Variants in NPAS3 observed in about 807,000 individuals in gnomAD.
The protein encoded by NPAS3 is neuronal PAS domain protein 3, also known as neuronal PAS domain-containing protein 3.
Under a neutral mutation model 73.1 loss-of-function variants are expected in NPAS3, and 14 were observed. The ratio of observed to expected loss-of-function variants is 0.19; its 90% CI spans 0.13 to 0.30. The LOEUF is 0.30. Ranked by LOEUF, NPAS3 falls within the 10% of genes least tolerant of loss-of-function variation. The probability of loss-of-function intolerance (pLI) is 1.00; values close to 1 mark genes in which losing one functional copy is unlikely to be tolerated. For synonymous variants in NPAS3, 620 were observed against 541.5 expected (o/e 1.14, Z -2.01); for missense variants, 1,096 against 1,250.0 (o/e 0.88, Z 1.86).
chr14:33,638,917 T>G (rs2058600893), intron 5 of NPAS3, among the ~76,000 whole-genome samples: 1 of 152,336 alleles, frequency 6.6e-6, no homozygotes, highest in Non-Finnish European at 1.5e-5. Flanking sequence ...TTTTCACTTC[T>G]CCAATGACAC....
intron 5 of NPAS3, among the ~76,000 whole-genome samples, chr14:33,618,974 C>G (rs2058003265): frequency 1.3e-5 from 2 of 152,198 alleles, no homozygotes; most frequent in Non-Finnish European, 1.5e-5. Context: ...AATTGGTTCT[C>G]TAGTCTGCTG....
intron 2 of NPAS3, among the ~76,000 whole-genome samples, chr14:33,111,992 C>A (rs1344618554): frequency 1.3e-5 from 2 of 152,130 alleles, no homozygotes; most frequent in Non-Finnish European, 2.9e-5. Context: ...CTACAAAGGA[C>A]ATGGACTCAT....
At chr14:33,793,809 G>GTGGT in intron 9 of NPAS3, 88 bp from the exon 10 acceptor site, 1 of 1,321,810 alleles carries the variant, frequency 7.6e-7, no homozygotes, top group Non-Finnish European at 1.0e-6. Flanking sequence ...CCATTTTTAG[G>GTGGT]CTTAAGGTTT....
intron 2 of NPAS3, among the ~76,000 whole-genome samples, chr14:33,187,737 T>G (rs1439966334): frequency 6.6e-6 from 1 of 152,132 alleles, no homozygotes; most frequent in Non-Finnish European, 1.5e-5. Flanking sequence ...AAAATAATTT[T>G]AATTAGTATT....
intron 3 of NPAS3, among the ~76,000 whole-genome samples, chr14:33,264,421 T>C (rs939171812): frequency 1.3e-5 from 2 of 151,806 alleles, no homozygotes; most frequent in Non-Finnish European, 2.9e-5. Context: ...TAAAGTATAA[T>C]AATAAAAAAA....
At chr14:33,636,838 A>C (rs1338175302) in intron 5 of NPAS3, among the ~76,000 whole-genome samples, 1 of 152,004 alleles carries the variant, frequency 6.6e-6, no homozygotes, top group Non-Finnish European at 1.5e-5. Flanking sequence ...TTGTCAGGAA[A>C]TTTTTGGCAT....
intron 4 of NPAS3, among the ~76,000 whole-genome samples, chr14:33,446,815 A>T (rs2049530244): frequency 6.6e-6 from 1 of 152,216 alleles, no homozygotes; most frequent in Admixed American, 6.5e-5. Flanking sequence ...TTCATGTATG[A>T]TCTGACCAAT....
At chr14:33,560,152 A>G in exon 5 of NPAS3, 1 of 870,506 alleles carries the variant, frequency 1.1e-6, no homozygotes, top group Non-Finnish European at 2.0e-6. Flanking sequence ...GCACTAAATC[A>G]GGAAGGAAAA....
intron 7 of NPAS3, among the ~76,000 whole-genome samples, chr14:33,762,570 T>G (rs543370588): frequency 6.6e-6 from 1 of 151,956 alleles, no homozygotes; most frequent in South Asian, 2.1e-4. Context: ...TTGGGGGCTC[T>G]TTTTTTTAAG....
At chr14:33,665,945 C>CT (rs2059439443) in intron 5 of NPAS3, among the ~76,000 whole-genome samples, 1 of 152,056 alleles carries the variant, frequency 6.6e-6, no homozygotes, top group Non-Finnish European at 1.5e-5. Flanking sequence ...GGGTCCAGAG[C>CT]TTAAATGTGT....
At chr14:33,342,849 G>A (rs2140316257) in intron 3 of NPAS3, among the ~76,000 whole-genome samples, 1 of 152,036 alleles carries the variant, frequency 6.6e-6, no homozygotes, top group Non-Finnish European at 1.5e-5. Context: ...TTTACTGCCT[G>A]CCCACAGAGA....
In NPAS3 at chr14:33,563,537, C is replaced by CACACACACACAGAGAGAGAG; in HGVS notation, c.558+3328_558+3329insCACACACACAGAGAGAGAGA. On this transcript the variant is annotated intron_variant, in intron 5 of 11. Coordinates refer to ENST00000356141, the Ensembl canonical transcript of NPAS3. ...ATACATACACACACACACACACACA[C>CACACACACACAGAGAGAGAG]AGAGAGAGAGAGAGAGAGAGAGAGA... Among the ~76,000 whole-genome samples the CACACACACACAGAGAGAGAG allele has an allele frequency of 1.9e-3, 222 of 119,644 alleles. 1 individual carries two copies. Among genetic ancestry groups the CACACACACACAGAGAGAGAG allele is most frequent in the South Asian group, 0.012 (46 of 3,702 alleles). 78.5% of individuals were successfully genotyped at this position (119,644 alleles called of 152,430 possible).
At chr14:33,140,573 T>C (rs537775748) in intron 2 of NPAS3, among the ~76,000 whole-genome samples, 1 of 152,300 alleles carries the variant, frequency 6.6e-6, no homozygotes, top group East Asian at 1.9e-4. Context: ...AATGTATTTA[T>C]TAAATCATGC....
In NPAS3 at chr14:33,462,186, T is replaced by C. The variant is rs377082930; in HGVS notation, c.468+94918T>C. 7.2e-5 allele frequency among the ~76,000 whole-genome samples: 11 copies of C among 152,360 alleles called. No homozygotes were observed. The East Asian group carries it at 2.1e-3, about 29-fold the overall frequency. ...GAAACCTGGGCTCTCATTCCTCGCC[T>C]GTTTCCAGCTAGCTTATCTGGGCAA... On this transcript the variant is annotated intron_variant, in intron 4 of 11. Transcript: ENST00000356141.
At chr14:33,717,856 C>A (rs370935337) in intron 6 of NPAS3, among the ~76,000 whole-genome samples, 1 of 152,142 alleles carries the variant, frequency 6.6e-6, no homozygotes, top group African/African-American at 2.4e-5. Flanking sequence ...TGTAAATCAC[C>A]TGGCATTAAT....
chr14:33,079,325 C>CTTTTTTTTTTTTTTTTTTTT (rs772885846), intron 2 of NPAS3, among the ~76,000 whole-genome samples: 7 of 132,294 alleles, frequency 5.3e-5, no homozygotes, highest in African/African-American at 8.7e-5. Flanking sequence ...TTTCTTTTTC[C>CTTTTTTTTTTTTTTTTTTTT]TTTTTTTTTT....
At chr14:33,677,882 C>T (rs550153565) in intron 6 of NPAS3, among the ~76,000 whole-genome samples, 4 of 152,274 alleles carry the variant, frequency 2.6e-5, no homozygotes, top group East Asian at 1.9e-4. Flanking sequence ...GCTATGTCAG[C>T]GAGATAACTG....
chr14:33,578,100 C>T, intron 5 of NPAS3: 1 of 453,990 alleles, frequency 2.2e-6, no homozygotes, highest in South Asian at 1.6e-5. Context: ...GCCGTTACTG[C>T]TCACAGATCC....
intron 2 of NPAS3, among the ~76,000 whole-genome samples, chr14:33,113,298 G>A (rs2042956053): frequency 6.6e-6 from 1 of 152,184 alleles, no homozygotes; most frequent in South Asian, 2.1e-4. Context: ...TCCTACCCAT[G>A]AGCATGGAAT....
Sources: gnomAD v4.1 joint callset for allele counts (sites outside exome capture counted in the v4.1 genomes callset) on GRCh38, gnomAD v4.1.1 for gene constraint, MANE v1.5 for transcripts, NCBI Gene and HGNC (gene_info 2026-07-23, HGNC 2026-07-21) for gene names.